Variants in TMEM132B observed in about 807,000 individuals in gnomAD.
The protein encoded by TMEM132B is transmembrane protein 132B.
Under a neutral mutation model 90.8 loss-of-function variants are expected in TMEM132B, and 18 were observed. The observed-to-expected ratio is 0.20, with a 90% CI of 0.14 to 0.29. The LOEUF is 0.29. Ranked by LOEUF, TMEM132B falls within the 10% of genes least tolerant of loss-of-function variation. The pLI, the probability that TMEM132B is intolerant of heterozygous loss-of-function variation, is 1.00. For missense variants in TMEM132B, 1,096 were observed against 1,326.8 expected, an observed-to-expected ratio of 0.83 and a Z score of 2.70; for synonymous variants, 504 against 523.3, an observed-to-expected ratio of 0.96 and a Z score of 0.50.
intron 4 of TMEM132B, among the ~76,000 whole-genome samples, chr12:125,557,530 TC>T (rs1181417046): frequency 9.9e-5 from 15 of 152,226 alleles, no homozygotes; most frequent in African/African-American, 1.7e-4. Context: ...TTATCACTAA[TC>T]TATCTACTAT....
intron 4 of TMEM132B, among the ~76,000 whole-genome samples, chr12:125,538,591 T>A (rs936052446): frequency 1.3e-5 from 2 of 152,234 alleles, no homozygotes; most frequent in Non-Finnish European, 2.9e-5. Context: ...TGCTTAATGA[T>A]TCTGATGTGA....
intron 2 of TMEM132B, among the ~76,000 whole-genome samples, chr12:125,413,131 G>A (rs1402784423): frequency 2.0e-5 from 3 of 152,112 alleles, no homozygotes; most frequent in South Asian, 2.1e-4. Context: ...TACCCTTAAG[G>A]TTCCTTACGG....
intron 3 of TMEM132B, among the ~76,000 whole-genome samples, chr12:125,477,721 G>T (rs930539752): frequency 1.3e-5 from 2 of 151,980 alleles, no homozygotes; most frequent in Non-Finnish European, 2.9e-5. Flanking sequence ...CTGTCTGACA[G>T]CTCTGAAGAG....
intron 4 of TMEM132B, among the ~76,000 whole-genome samples, chr12:125,568,187 C>T (rs1884705845): frequency 6.6e-6 from 1 of 152,172 alleles, no homozygotes; most frequent in Non-Finnish European, 1.5e-5. Context: ...TGTGGGCTCT[C>T]TGCTTTTGTC....
chr12:125,477,967 C>A (rs1274301354), intron 3 of TMEM132B, among the ~76,000 whole-genome samples: 1 of 152,206 alleles, frequency 6.6e-6, no homozygotes, highest in African/African-American at 2.4e-5. Context: ...GGTACCCAGG[C>A]AAACAGGGTC....
intron 3 of TMEM132B, among the ~76,000 whole-genome samples, chr12:125,421,431 C>G (rs1355703308): frequency 6.6e-6 from 1 of 152,180 alleles, no homozygotes; most frequent in African/African-American, 2.4e-5. Flanking sequence ...TGTGGGGGAA[C>G]TCCCCTCTAT....
At chr12:125,589,456 C>A (rs377346772) in intron 5 of TMEM132B, among the ~76,000 whole-genome samples, 1 of 142,562 alleles carries the variant, frequency 7.0e-6, no homozygotes, top group Non-Finnish European at 1.5e-5. Context: ...CACCCCAGCC[C>A]GGGTGACAGA....
intron 5 of TMEM132B, among the ~76,000 whole-genome samples, chr12:125,633,562 C>G (rs915449180): frequency 2.6e-5 from 4 of 152,170 alleles, no homozygotes; most frequent in Non-Finnish European, 5.9e-5. Context: ...TGTACCTGTT[C>G]TTTTTGGGAA....
At chr12:125,244,483 C>T (rs546581715) in intron 1 of TMEM132B, among the ~76,000 whole-genome samples, 7 of 152,316 alleles carry the variant, frequency 4.6e-5, no homozygotes, top group Middle Eastern at 3.4e-3. Context: ...GCCCAGACCC[C>T]GCTGATGTGG....
intron 3 of TMEM132B, among the ~76,000 whole-genome samples, chr12:125,502,639 T>C (rs1331071318): frequency 1.3e-5 from 2 of 152,248 alleles, no homozygotes; most frequent in African/African-American, 4.8e-5. Flanking sequence ...TCACTGATTA[T>C]ACCAAATTCA....
intron 3 of TMEM132B, among the ~76,000 whole-genome samples, chr12:125,499,630 A>G (rs575232061): frequency 4.6e-4 from 70 of 152,234 alleles, no homozygotes; most frequent in African/African-American, 1.5e-3. Context: ...TATGGATAAG[A>G]TAGGGCTATA....
intron 1 of TMEM132B, among the ~76,000 whole-genome samples, chr12:125,219,680 C>G (rs773355328): frequency 4.6e-5 from 7 of 152,206 alleles, no homozygotes; most frequent in Non-Finnish European, 8.8e-5. Context: ...TCCAAGAGCC[C>G]TAGCTGAGAC....
At chr12:125,621,090 G>A (rs771878375) in intron 5 of TMEM132B, among the ~76,000 whole-genome samples, 2 of 152,210 alleles carry the variant, frequency 1.3e-5, no homozygotes, top group Admixed American at 6.5e-5. Context: ...TTTTGAGTCT[G>A]TTGTGGTGCC....
At chr12:125,338,007 A>G (rs1472024249) in intron 1 of TMEM132B, among the ~76,000 whole-genome samples, 1 of 152,228 alleles carries the variant, frequency 6.6e-6, no homozygotes, top group Non-Finnish European at 1.5e-5. Context: ...CTCTCTCTAT[A>G]AAAGATGAGG....
intron 1 of TMEM132B, among the ~76,000 whole-genome samples, chr12:125,239,238 C>T (rs140964644): frequency 1.8e-3 from 280 of 152,200 alleles, no homozygotes; most frequent in African/African-American, 6.6e-3. Context: ...GGATGAGTAG[C>T]CAGGCCAGGG....
intron 2 of TMEM132B, among the ~76,000 whole-genome samples, chr12:125,368,786 C>T (rs558070076): frequency 1.3e-5 from 2 of 152,150 alleles, no homozygotes; most frequent in East Asian, 3.9e-4. Flanking sequence ...ACATCTCTTC[C>T]CTGTGTCTTG....
chr12:125,308,985 C>T (rs1876061329), intron 1 of TMEM132B, among the ~76,000 whole-genome samples: 1 of 151,916 alleles, frequency 6.6e-6, no homozygotes, highest in African/African-American at 2.4e-5. Context: ...TTTTTTCAGC[C>T]AACAATATAT....
intron 1 of TMEM132B, among the ~76,000 whole-genome samples, chr12:125,345,606 C>T (rs534914977): frequency 6.6e-6 from 1 of 152,334 alleles, no homozygotes; most frequent in Admixed American, 6.5e-5. Flanking sequence ...TTCCTTGGAG[C>T]CATCTGCCAT....
rs1301971747 is a variant in TMEM132B, at chr12:125,498,692, G to A, written c.1107-20747G>A. Among the ~76,000 whole-genome samples, 1 of 152,160 alleles carries A rather than the reference G, an allele frequency of 6.6e-6. No homozygotes were observed. The highest frequency in any genetic ancestry group is 6.5e-5 in the Admixed American group (1 of 15,280). ...AAGACCAGCTTACACTCCAGGCTGC[G>A]GGGTCCTTGGAACACATTTATTTAC... On this transcript the variant is annotated intron_variant, in intron 3 of 8. Transcript: ENST00000682704. This position sits in a 1 kb window ranked among gnomAD's most constrained non-coding sequence, Gnocchi z 4.5.
Sources: allele counts gnomAD v4.1 joint callset (sites outside exome capture counted in the v4.1 genomes callset), GRCh38; gene constraint gnomAD v4.1.1; non-coding constraint Gnocchi (gnomAD v3.1); transcripts MANE v1.5; gene names NCBI Gene and HGNC (gene_info 2026-07-23, HGNC 2026-07-21).